The following SHC4 variants were observed in gnomAD, a reference collection of about 807,000 sequenced individuals.
The protein encoded by SHC4 is SHC-transforming protein 4.
In SHC4, 41 loss-of-function variants were observed where a neutral mutation model predicts 69.4. That is an observed-to-expected ratio of 0.59 (90% CI 0.46 to 0.77). SHC4 has a LOEUF of 0.77. Ranked by LOEUF, SHC4 falls within the 30% of genes least tolerant of loss-of-function variation. The probability of loss-of-function intolerance (pLI) is 0.00; values close to 1 mark genes in which losing one functional copy is unlikely to be tolerated. For synonymous variants in SHC4, 318 were observed against 299.3 expected, an observed-to-expected ratio of 1.06 and a Z score of -0.64; for missense variants, 777 against 783.8, an observed-to-expected ratio of 0.99 and a Z score of 0.10.
At chr15:48,879,723 T>A (rs534053728) in intron 4 of SHC4, 1 of 167,226 alleles carries the variant, frequency 6.0e-6, no homozygotes, top group Non-Finnish European at 1.5e-5. Flanking sequence ...GTATCTGAAG[T>A]TTCCCTCTGT....
At chr15:48,913,753 G>A (rs1193293824) in intron 2 of SHC4, among the ~76,000 whole-genome samples, 1 of 152,132 alleles carries the variant, frequency 6.6e-6, no homozygotes, top group Non-Finnish European at 1.5e-5. Context: ...CTGCTAGGGG[G>A]CCCAGCGAGC....
At chr15:48,905,078 CTA>C (rs2141013576) in intron 2 of SHC4, among the ~76,000 whole-genome samples, 1 of 152,230 alleles carries the variant, frequency 6.6e-6, no homozygotes, top group Non-Finnish European at 1.5e-5. Flanking sequence ...ACGTCAAATC[CTA>C]TGTTTTAGAT....
intron 5 of SHC4, among the ~76,000 whole-genome samples, chr15:48,870,272 T>C (rs1899644265): frequency 6.6e-6 from 1 of 152,322 alleles, no homozygotes; most frequent in African/African-American, 2.4e-5. Context: ...TTGGTGTTGC[T>C]ATTGAGGCCA....
intron 6 of SHC4, among the ~76,000 whole-genome samples, chr15:48,864,573 G>T (rs1278174833): frequency 6.8e-6 from 1 of 147,522 alleles, no homozygotes; most frequent in Admixed American, 6.9e-5. Context: ...TCAGCCTCCC[G>T]AGTAGCTGGG....
intron 1 of SHC4, among the ~76,000 whole-genome samples, chr15:48,935,785 G>A (rs558253946): frequency 6.6e-6 from 1 of 152,286 alleles, no homozygotes; most frequent in Admixed American, 6.5e-5. Flanking sequence ...GAGATGGACA[G>A]AGAGATGAGC....
chr15:48,930,654 A>G (rs1344211734), intron 1 of SHC4, among the ~76,000 whole-genome samples: 2 of 152,202 alleles, frequency 1.3e-5, no homozygotes. Context: ...AAAATAAATA[A>G]TGAATTAAAA....
intron 8 of SHC4, among the ~76,000 whole-genome samples, chr15:48,854,263 A>G (rs144583150): frequency 4.9e-4 from 75 of 152,158 alleles, no homozygotes; most frequent in African/African-American, 1.7e-3. Context: ...CAAAACCACA[A>G]TCACATATCA....
At chr15:48,951,329 TC>T (rs529661394) in intron 1 of SHC4, among the ~76,000 whole-genome samples, 1 of 152,022 alleles carries the variant, frequency 6.6e-6, no homozygotes, top group Non-Finnish European at 1.5e-5. Context: ...AGGTGTCCCA[TC>T]TTTCCCCTCT....
chr15:48,954,458 A>C (rs1901410933), intron 1 of SHC4, among the ~76,000 whole-genome samples: 1 of 152,264 alleles, frequency 6.6e-6, no homozygotes, highest in African/African-American at 2.4e-5. Flanking sequence ...CATTTTAACA[A>C]GCATTTTTAA....
chr15:48,828,105 GTGTGTGTGTGTATATA>G (rs923086839), intron 11 of SHC4, among the ~76,000 whole-genome samples: 13 of 50,662 alleles, frequency 2.6e-4, no homozygotes, highest in Non-Finnish European at 7.4e-4. Flanking sequence ...GTGTGTGTGT[GTGTGTGTGTGTATATA>G]TATATATATA....
intron 6 of SHC4, among the ~76,000 whole-genome samples, chr15:48,867,606 TTAAAA>T (rs1899587602): frequency 6.6e-6 from 1 of 152,250 alleles, no homozygotes; most frequent in Non-Finnish European, 1.5e-5. Flanking sequence ...TTGTGGATCT[TTAAAA>T]TGATTTAAAT....
intron 9 of SHC4, among the ~76,000 whole-genome samples, chr15:48,845,509 A>T (rs1899071239): frequency 6.6e-6 from 1 of 152,338 alleles, no homozygotes; most frequent in Non-Finnish European, 1.5e-5. Context: ...AAGTTATATT[A>T]TCTAGTTTAA....
chr15:48,884,472 CCTCT>C (rs1351766221), intron 3 of SHC4, 105 bp from the exon 4 acceptor site: 5 of 986,942 alleles, frequency 5.1e-6, no homozygotes, highest in Non-Finnish European at 5.6e-6. Context: ...CCAAACTCTT[CCTCT>C]CTATTTTACT....
intron 10 of SHC4, among the ~76,000 whole-genome samples, chr15:48,840,295 A>G (rs1898967982): frequency 6.6e-6 from 1 of 152,162 alleles, no homozygotes. Flanking sequence ...CTAACAATAA[A>G]TCAAAACAAA....
At chr15:48,864,717 G>A (rs1236968912) in intron 6 of SHC4, among the ~76,000 whole-genome samples, 3 of 152,048 alleles carry the variant, frequency 2.0e-5, no homozygotes, top group Non-Finnish European at 4.4e-5. Context: ...ACAGTGCTGG[G>A]ATTACAGGCG....
At chr15:48,878,011 A>G in intron 4 of SHC4, 3 of 794,572 alleles carry the variant, frequency 3.8e-6, no homozygotes, top group South Asian at 2.1e-5. Context: ...GAAAACACTG[A>G]GCTACTCCAA....
At chr15:48,940,417 A>C (rs996319369) in intron 1 of SHC4, among the ~76,000 whole-genome samples, 4 of 152,168 alleles carry the variant, frequency 2.6e-5, no homozygotes, top group Admixed American at 2.6e-4. Context: ...TTCAGTACCT[A>C]GGATGTCGAG....
intron 4 of SHC4, chr15:48,877,626 C>A: frequency 1.7e-5 from 15 of 883,730 alleles, no homozygotes; most frequent in Non-Finnish European, 2.0e-5. Flanking sequence ...CCAAGTATTT[C>A]TTCACTATAA....
intron 1 of SHC4, among the ~76,000 whole-genome samples, chr15:48,940,391 C>G (rs571133428): frequency 6.6e-6 from 1 of 152,262 alleles, no homozygotes; most frequent in East Asian, 1.9e-4. Flanking sequence ...TAAAATCACA[C>G]AAATCTGACT....
Sources: gnomAD v4.1 joint callset for allele counts (sites outside exome capture counted in the v4.1 genomes callset) on GRCh38, gnomAD v4.1.1 for gene constraint, MANE v1.5 for transcripts, NCBI Gene and HGNC (gene_info 2026-07-23, HGNC 2026-07-21) for gene names.